The following MRPS35 variants were observed in gnomAD, a reference collection of about 807,000 sequenced individuals.
MRPS35 encodes the protein small ribosomal subunit protein mS35.
MRPS35 carries 29 observed loss-of-function variants against 32.7 expected under a neutral mutation model. The observed-to-expected ratio is 0.89, with a 90% CI of 0.66 to 1.21. The LOEUF (loss-of-function observed/expected upper bound fraction) is 1.21, where lower values mean the gene tolerates loss of function less well. MRPS35 is among the 50% of genes most tolerant of loss of function. The pLI, the probability that MRPS35 is intolerant of heterozygous loss-of-function variation, is 0.00. For missense variants in MRPS35, 373 were observed against 383.8 expected (o/e 0.97, Z 0.23); for synonymous variants, 148 against 139.3 (o/e 1.06, Z -0.44).
At chr12:27,751,561 A>G (rs1263024706) in intron 7 of MRPS35, among the ~76,000 whole-genome samples, 1 of 152,080 alleles carries the variant, frequency 6.6e-6, no homozygotes, top group African/African-American at 2.4e-5. Flanking sequence ...CGCGACCCCC[A>G]TGCCTGCGGC....
At chr12:27,741,179 A>G (rs1467428500) in intron 7 of MRPS35, among the ~76,000 whole-genome samples, 2 of 151,960 alleles carry the variant, frequency 1.3e-5, no homozygotes, top group Non-Finnish European at 2.9e-5. Context: ...AAAAAAAAAT[A>G]ATAATAATAA....
At chr12:27,751,900 C>G (rs753916368) in intron 7 of MRPS35, among the ~76,000 whole-genome samples, 27 of 152,192 alleles carry the variant, frequency 1.8e-4, no homozygotes, top group Non-Finnish European at 3.4e-4. Flanking sequence ...GGATATCCAC[C>G]TTGGCCTACC....
chr12:27,731,205 C>G (rs934923113), intron 5 of MRPS35, among the ~76,000 whole-genome samples: 16 of 152,182 alleles, frequency 1.1e-4, no homozygotes, highest in Non-Finnish European at 2.2e-4. Context: ...TCTGGCACTA[C>G]AAAATGCTCT....
chr12:27,733,034 A>ATCTATCTATC lies in MRPS35; in HGVS notation c.523-2412_523-2411insCTATCTATCT, dbSNP rs1433797132. ...TATATATATATATATATATATATATATATATATCCAGCACCTCCTGTGATT... is the reference window on the plus strand; with the variant it reads ...TATATATATATATATATATATATATATCTATCTATCTATATATCCAGCACCTCCTGTGATT... On this transcript the variant is annotated intron_variant, in intron 5 of 7. Coordinates refer to ENST00000081029, the MANE Select transcript of MRPS35 (RefSeq NM_021821.4). 9.7e-5 allele frequency among the ~76,000 whole-genome samples: 6 copies of ATCTATCTATC among 62,066 alleles called. No homozygotes were observed. The East Asian group carries it at 3.4e-3, about 36-fold the overall frequency. The allele number at this position is 62,066 out of a possible 152,430, so 40.7% of individuals were successfully genotyped here.
chr12:27,716,242 TAAAG>T (rs746713227), intron 2 of MRPS35, 45 bp from the exon 3 acceptor site: 25 of 1,428,310 alleles, frequency 1.8e-5, no homozygotes, highest in Non-Finnish European at 2.3e-5. Flanking sequence ...CTTTAAGAAT[TAAAG>T]AATGTGTTTA....
intron 7 of MRPS35, among the ~76,000 whole-genome samples, chr12:27,751,161 T>C (rs537155419): frequency 2.1e-5 from 2 of 96,166 alleles, no homozygotes; most frequent in South Asian, 6.3e-4. Flanking sequence ...AAAAAGAAAA[T>C]GTGAATTTTG....
Position 27,716,312 on chromosome 12 carries a change from A to G in MRPS35, c.175A>G (p.Lys59Glu), listed in dbSNP as rs11545243. Reference protein sequence around the residue: ...RRKALPPRTEKMAVDQDWPSV... With the variant: ...RRKALPPRTEEMAVDQDWPSV... Reference sequence around the variant, plus strand: ...TTAGGCACTACCTCCTAGGACAGAGAAAATGGCTGTTGACCAGGACTGGCC... The same window carrying G: ...TTAGGCACTACCTCCTAGGACAGAGGAAATGGCTGTTGACCAGGACTGGCC... The change falls in exon 3 of 8, where the codon AAA becomes GAA. Residue 59 changes from lysine (K) to glutamate (E), a missense_variant. Transcript: ENST00000081029. The G allele has an allele frequency of 6.2e-7, 1 of 1,611,070 alleles. No homozygotes were observed. Among genetic ancestry groups the G allele is most frequent in the Non-Finnish European group, 8.5e-7 (1 of 1,178,916 alleles).
intron 7 of MRPS35, among the ~76,000 whole-genome samples, chr12:27,751,416 G>A (rs1370737311): frequency 6.6e-6 from 1 of 152,188 alleles, no homozygotes; most frequent in African/African-American, 2.4e-5. Context: ...CACCTGGGGG[G>A]CTGTAGGCAG....
Position 27,725,798 on chromosome 12 carries a change from CTTTTTTTTTTT to C in MRPS35, c.522+1627_522+1637del, listed in dbSNP as rs1176188580. The C allele has an allele frequency of 8.8e-5, 6 of 68,242 alleles. 1 individual carries two copies. The highest frequency in any genetic ancestry group is 1.5e-4 in the African/African-American group (2 of 13,084). The allele number at this position is 68,242 out of a possible 1,614,324, so 4.2% of individuals were successfully genotyped here. On this transcript the variant is annotated intron_variant, in intron 5 of 7. Coordinates refer to ENST00000081029, the MANE Select transcript of MRPS35 (RefSeq NM_021821.4). ...GGTGGTGTATTGATTCCTTGTATACCTTTTTTTTTTTTTTTTTTTTTTTTTGAGACAGGGTC... is the reference window on the plus strand; with the variant it reads ...GGTGGTGTATTGATTCCTTGTATACCTTTTTTTTTTTTTTGAGACAGGGTC...
At chr12:27,732,987 GATATATATATATATATATATATATATAT>G (rs56932909) in intron 5 of MRPS35, among the ~76,000 whole-genome samples, 1,478 of 120,646 alleles carry the variant, frequency 0.012, 42 homozygotes, top group Non-Finnish European at 0.014. Context: ...GTCATTTGAA[GATATATATATATATATATATATATATAT>G]ATATATATAT....
Position 27,735,512 on chromosome 12 carries a change from G to A in MRPS35, c.588G>A (p.Glu196=), listed in dbSNP as rs776857587. ...AGAAATTAATTAAACTTGTAGGAGA[G>A]CGATACTGCAAGACCACAGATGTGC... ...AKKKLIKLVG[E]RYCKTTDVLT... is the part of the protein sequence containing the mutation. Residue 196 remains glutamate, a synonymous_variant, in exon 6 of 8, where the codon GAG becomes GAA. Coordinates refer to ENST00000081029, the MANE Select transcript of MRPS35 (RefSeq NM_021821.4). 1.2e-6 allele frequency: 2 copies of A among 1,612,316 alleles called. No homozygotes were observed. Among genetic ancestry groups the A allele is most frequent in the Non-Finnish European group, 1.7e-6 (2 of 1,179,424 alleles).
At chr12:27,754,886 C>T (rs961344857) in intron 7 of MRPS35, among the ~76,000 whole-genome samples, 4 of 151,676 alleles carry the variant, frequency 2.6e-5, no homozygotes, top group African/African-American at 9.7e-5. Context: ...GATTGTAAGG[C>T]AGACAGATTG....
At chr12:27,714,732 T>C (rs778265315) in intron 1 of MRPS35, 48 bp from the exon 2 acceptor site, 30 of 1,441,450 alleles carry the variant, frequency 2.1e-5, no homozygotes, top group Non-Finnish European at 2.9e-6. Flanking sequence ...ACAACTAACT[T>C]GACATGATAA....
chr12:27,732,987 GA>G (rs2061927524), intron 5 of MRPS35, among the ~76,000 whole-genome samples: 2 of 120,630 alleles, frequency 1.7e-5, no homozygotes, highest in Non-Finnish European at 3.4e-5. Context: ...GTCATTTGAA[GA>G]TATATATATA....
At chr12:27,754,127 G>T (rs140688999) in intron 7 of MRPS35, among the ~76,000 whole-genome samples, 1 of 152,004 alleles carries the variant, frequency 6.6e-6, no homozygotes, top group African/African-American at 2.4e-5. Context: ...GGTGGTGGGC[G>T]CCTGTACTTC....
At position 27,755,246 on chromosome 12, in the gene MRPS35, C is replaced by G. The variant is rs2062021758; in HGVS notation, c.768C>G (p.Ser256Arg). The change falls in exon 8 of 8, where the codon AGC (serine) becomes AGG (arginine). Residue 256 changes from serine to arginine, a missense_variant. Coordinates refer to ENST00000081029, the MANE Select transcript of MRPS35 (RefSeq NM_021821.4). ...TGGAAGAGTATATATGGGAAAATAG[C>G]TCATCAGAAAGAAATATCCTGGAAA... ...ADMEEYIWEN[S>R]SSERNILETL... 3 of 1,610,276 alleles carry G rather than the reference C, an allele frequency of 1.9e-6. No homozygotes were observed. Among genetic ancestry groups the G allele is most frequent in the Non-Finnish European group, 2.5e-6 (3 of 1,179,256 alleles).
intron 4 of MRPS35, among the ~76,000 whole-genome samples, 156 bp from the exon 5 acceptor site, chr12:27,723,891 A>T (rs1168835506): frequency 6.6e-6 from 1 of 152,240 alleles, no homozygotes; most frequent in African/African-American, 2.4e-5. Flanking sequence ...AGGAAAAGGG[A>T]TAAGGGATGA....
Position 27,719,833 on chromosome 12 carries a change from C to T in MRPS35, c.347C>T (p.Pro116Leu). 1 of 1,607,730 alleles carries T rather than the reference C, an allele frequency of 6.2e-7. No individual in the cohort carries two copies. The highest frequency in any genetic ancestry group is 2.2e-5 in the East Asian group (1 of 44,762). ...LKIPNFLHLT[P>L]VAIKKHCEAL... ...ATTCCCAATTTTCTGCATTTGACTC[C>T]TGTAGCAATTAAAAAGCACTGTGAA... Residue 116 changes from proline (P) to leucine (L), a missense_variant, in exon 4 of 8, where the codon CCT becomes CTT. By Grantham distance (98) the Pro-to-Leu change is moderately conservative (BLOSUM62 -3). Transcript: ENST00000081029.
At chr12:27,739,176 T>A (rs2061954146) in intron 7 of MRPS35, among the ~76,000 whole-genome samples, 1 of 152,172 alleles carries the variant, frequency 6.6e-6, no homozygotes, top group South Asian at 2.1e-4. Flanking sequence ...GGGATTACAG[T>A]TGTGAGCCAC....
Sources: allele counts gnomAD v4.1 joint callset (sites outside exome capture counted in the v4.1 genomes callset), GRCh38; gene constraint gnomAD v4.1.1; transcripts MANE v1.5; gene names NCBI Gene and HGNC (gene_info 2026-07-23, HGNC 2026-07-21).